JARID2: variants seen among roughly 807,000 people sequenced by gnomAD.
JARID2 encodes protein Jumonji.
A neutral mutation model predicts 125.6 loss-of-function variants in JARID2; 21 were observed. The ratio of observed to expected loss-of-function variants is 0.17; its 90% CI spans 0.12 to 0.24. The LOEUF (loss-of-function observed/expected upper bound fraction) is 0.24, where lower values mean the gene tolerates loss of function less well. JARID2 is among the 10% of genes least tolerant of loss of function. JARID2 has a pLI of 1.00. For synonymous variants in JARID2, 736 were observed against 661.6 expected, an observed-to-expected ratio of 1.11 and a Z score of -1.73; for missense variants, 1,303 against 1,639.6, an observed-to-expected ratio of 0.79 and a Z score of 3.55.
At chr6:15,248,869 GC>G in intron 1 of JARID2, 1 of 976,090 alleles carries the variant, frequency 1.0e-6, no homozygotes, top group African/African-American at 1.8e-5. Flanking sequence ...GGGGGCGGGG[GC>G]TGCCGCAGAG....
chr6:15,454,954 C>A (rs2127647312), intron 4 of JARID2, among the ~76,000 whole-genome samples: 1 of 152,142 alleles, frequency 6.6e-6, no homozygotes. Flanking sequence ...GTGTGATGAT[C>A]AGGAATGGAG....
rs536790480 is a variant in JARID2 at position 15,503,776 on chromosome 6, C to T, written c.2449-724C>T. On this transcript the variant is annotated intron_variant, in intron 8 of 17. Transcript: ENST00000341776. ...AATAGCAAGGGTCTTAGATGGATTC[C>T]CTCTGAAAAACGCACCACATTTCGT... is the stretch of plus-strand genomic sequence containing the variant. Among the ~76,000 whole-genome samples, 8 of 152,340 alleles carry T rather than the reference C, an allele frequency of 5.3e-5. No homozygotes were observed. The East Asian group carries it at 1.3e-3, about 26-fold the overall frequency.
At chr6:15,307,775 C>G (rs1234778644) in intron 1 of JARID2, among the ~76,000 whole-genome samples, 1 of 152,156 alleles carries the variant, frequency 6.6e-6, no homozygotes, top group Admixed American at 6.5e-5. Flanking sequence ...AGATTTATTA[C>G]TAGGAGCTCA....
chr6:15,470,073 A>G (rs772945852), intron 5 of JARID2, among the ~76,000 whole-genome samples: 2 of 151,526 alleles, frequency 1.3e-5, no homozygotes, highest in Non-Finnish European at 2.9e-5. Context: ...GCTACTCGAG[A>G]GGCTGAGGCA....
rs1322403563 is a variant in JARID2 at position 15,487,423 on chromosome 6, G to T, written c.787G>T (p.Glu263Ter). 1 of 1,614,246 alleles carries T rather than the reference G, an allele frequency of 6.2e-7. No homozygotes were observed. The highest frequency in any genetic ancestry group is 8.5e-7 in the Non-Finnish European group (1 of 1,180,048). ...CGATCACCGGGCTGACAGCCGCCGG[G>T]AGCAGGCTTCAGCTAACCACCCCGC... ...HSDHRADSRREQASANHPAAA... is the reference protein window; with the variant it reads ...HSDHRADSRR Residue 263 changes from glutamate to a stop codon, truncating the protein, a stop_gained, in exon 6 of 18, where the codon GAG becomes TAG. Transcript: ENST00000341776. LOFTEE classifies it high-confidence loss of function.
chr6:15,510,568 T>G (rs1338502791), intron 12 of JARID2, among the ~76,000 whole-genome samples: 1 of 152,188 alleles, frequency 6.6e-6, no homozygotes, highest in Non-Finnish European at 1.5e-5. Context: ...GAGCCACCAC[T>G]TCCCCAGGCC....
intron 1 of JARID2, among the ~76,000 whole-genome samples, chr6:15,289,477 C>T (rs984832315): frequency 1.3e-5 from 2 of 152,154 alleles, no homozygotes; most frequent in African/African-American, 4.8e-5. Flanking sequence ...AAGCAATCCT[C>T]CCGCTTCGGC....
At chr6:15,388,963 G>A (rs777063411) in intron 2 of JARID2, among the ~76,000 whole-genome samples, 10 of 151,990 alleles carry the variant, frequency 6.6e-5, no homozygotes, top group Non-Finnish European at 1.3e-4. Context: ...CAGTTAGGTG[G>A]GTGCCTGTTC....
intron 1 of JARID2, among the ~76,000 whole-genome samples, chr6:15,289,824 TGA>T (rs1368517057): frequency 6.6e-6 from 1 of 152,068 alleles, no homozygotes; most frequent in Non-Finnish European, 1.5e-5. Flanking sequence ...CCAGCCTGGG[TGA>T]GAGAGTGAGA....
intron 5 of JARID2, 78 bp downstream of exon 5, chr6:15,468,796 G>A (rs1295365513): frequency 1.4e-6 from 2 of 1,419,190 alleles, no homozygotes; most frequent in Non-Finnish European, 1.9e-6. Flanking sequence ...CTGCTGAGAA[G>A]AGATGAGATG....
chr6:15,332,935 CTTTTTTT>C lies in JARID2; in HGVS notation c.46-41165_46-41159del, dbSNP rs33921682. Among the ~76,000 whole-genome samples the C allele has an allele frequency of 5.6e-3, 234 of 42,132 alleles. 2 individuals are homozygous for C. Among genetic ancestry groups the C allele is most frequent in the African/African-American group, 0.017 (219 of 12,802 alleles). 27.6% of individuals were successfully genotyped at this position (42,132 alleles called of 152,430 possible). A position where few individuals can be genotyped will look rare whatever the true frequency, so the allele number is the denominator to read the frequency against. On this transcript the variant is annotated intron_variant, in intron 1 of 17. Coordinates refer to ENST00000341776, the MANE Select transcript of JARID2 (RefSeq NM_004973.4). ...TTTACCCTTTCTTTTCTTTTCTTTTCTTTTTTTTTTTTTTTTTTTTTTTGGAGACGGA... is the reference window on the plus strand; with the variant it reads ...TTTACCCTTTCTTTTCTTTTCTTTTCTTTTTTTTTTTTTTTTGGAGACGGA...
intron 5 of JARID2, among the ~76,000 whole-genome samples, chr6:15,469,337 CTGTCTCTCTCTCTCTCT>C (rs1768928061): frequency 4.8e-5 from 1 of 20,698 alleles, no homozygotes; most frequent in Admixed American, 6.8e-4. Context: ...TCTCTCTCTC[CTGTCTCTCTCTCTCTCT>C]CTCTCTCCTC....
At chr6:15,455,676 C>T (rs1186808403) in intron 4 of JARID2, among the ~76,000 whole-genome samples, 2 of 152,112 alleles carry the variant, frequency 1.3e-5, no homozygotes, top group East Asian at 1.9e-4. Context: ...GGATTACAGG[C>T]GCCCACCACT....
intron 1 of JARID2, among the ~76,000 whole-genome samples, chr6:15,283,154 A>G (rs1449103368): frequency 7.0e-6 from 1 of 142,010 alleles, no homozygotes; most frequent in East Asian, 2.2e-4. Context: ...AATTTTTTGT[A>G]TTTTTATTAG....
At chr6:15,247,821 C>T in intron 1 of JARID2, 1 of 985,328 alleles carries the variant, frequency 1.0e-6, no homozygotes, top group Non-Finnish European at 1.2e-6. Flanking sequence ...GAAAGCTGTT[C>T]CATAAAGAAT....
chr6:15,269,433 A>T (rs893367933), intron 1 of JARID2, among the ~76,000 whole-genome samples: 11 of 152,032 alleles, frequency 7.2e-5, no homozygotes, highest in Non-Finnish European at 1.3e-4. Context: ...ATCACAGCTT[A>T]TTACTGCATC....
At chr6:15,447,046 C>A (rs1767702008) in intron 3 of JARID2, among the ~76,000 whole-genome samples, 1 of 152,104 alleles carries the variant, frequency 6.6e-6, no homozygotes, top group South Asian at 2.1e-4. Flanking sequence ...TTCTTATTTC[C>A]CCAAACAGCA....
At chr6:15,286,376 C>G (rs1239417098) in intron 1 of JARID2, among the ~76,000 whole-genome samples, 1 of 151,298 alleles carries the variant, frequency 6.6e-6, no homozygotes, top group African/African-American at 2.4e-5. Context: ...CTCAGCCGCC[C>G]GAGTAGCTGG....
intron 1 of JARID2, among the ~76,000 whole-genome samples, chr6:15,295,108 C>CT (rs57350640): frequency 0.065 from 9,237 of 142,154 alleles, 340 homozygotes; most frequent in East Asian, 0.1. Flanking sequence ...TGTGTCATTT[C>CT]TTTTTTTTTT....
Sources: gnomAD v4.1 joint callset for allele counts (sites outside exome capture counted in the v4.1 genomes callset) on GRCh38, gnomAD v4.1.1 for gene constraint, MANE v1.5 for transcripts, NCBI Gene and HGNC (gene_info 2026-07-23, HGNC 2026-07-21) for gene names.